Variants in VEGFC observed in about 807,000 individuals in gnomAD.
VEGFC encodes the protein vascular endothelial growth factor C.
Under a neutral mutation model 46.1 loss-of-function variants are expected in VEGFC, and 12 were observed. The observed-to-expected ratio is 0.26, with a 90% CI of 0.17 to 0.42. VEGFC has a LOEUF of 0.42. Among genes scored for constraint, VEGFC ranks in the 10% least tolerant of loss-of-function variants. The pLI is 1.00. For synonymous variants in VEGFC, 232 were observed against 195.5 expected (o/e 1.19, Z -1.56); for missense variants, 488 against 529.4 (o/e 0.92, Z 0.77).
chr4:176,692,944 C>T (rs1026341198), intron 4 of VEGFC, among the ~76,000 whole-genome samples: 1 of 148,476 alleles, frequency 6.7e-6, no homozygotes, highest in African/African-American at 2.6e-5. Context: ...AACTAACAAA[C>T]AGAAAGGACA....
intron 3 of VEGFC, among the ~76,000 whole-genome samples, chr4:176,719,826 C>T (rs543523190): frequency 3.9e-5 from 6 of 152,090 alleles, no homozygotes; most frequent in Non-Finnish European, 8.8e-5. Context: ...ATTGGGTGGC[C>T]GAGGCGAGTG....
intron 1 of VEGFC, among the ~76,000 whole-genome samples, chr4:176,755,107 T>C (rs1735410636): frequency 6.6e-6 from 1 of 152,020 alleles, no homozygotes; most frequent in Non-Finnish European, 1.5e-5. Flanking sequence ...TTCCAATTCG[T>C]ATAGATGTAT....
intron 4 of VEGFC, among the ~76,000 whole-genome samples, chr4:176,701,355 T>G (rs963008788): frequency 6.6e-6 from 1 of 152,212 alleles, no homozygotes. Context: ...CTTTAAACTT[T>G]AGGACAATCT....
chr4:176,719,531 G>C (rs1011303707), intron 3 of VEGFC, among the ~76,000 whole-genome samples: 5 of 152,046 alleles, frequency 3.3e-5, no homozygotes, highest in African/African-American at 1.2e-4. Flanking sequence ...GACCTCCCTT[G>C]GTTTATAAAC....
chr4:176,741,106 T>C (rs962464419), intron 1 of VEGFC, among the ~76,000 whole-genome samples: 1 of 151,932 alleles, frequency 6.6e-6, no homozygotes, highest in Non-Finnish European at 1.5e-5. Context: ...CATGGAAGAG[T>C]CCAGGTATTT....
chr4:176,702,573 A>G lies in VEGFC; in HGVS notation c.704+8926T>C, dbSNP rs1734452415. 4.6e-5 allele frequency among the ~76,000 whole-genome samples: 7 copies of G among 152,114 alleles called. No homozygotes were observed. The South Asian group carries it at 1.4e-3, about 31-fold the overall frequency. ...CTGCTCAAAGCTTTAGAATCACAGTATTGTGTTTTCATTTAATATCCAATT... is the reference window on the plus strand; with the variant it reads ...CTGCTCAAAGCTTTAGAATCACAGTGTTGTGTTTTCATTTAATATCCAATT... On this transcript the variant is annotated intron_variant, in intron 4 of 6. Coordinates refer to ENST00000618562, the MANE Select transcript of VEGFC (RefSeq NM_005429.5).
intron 4 of VEGFC, among the ~76,000 whole-genome samples, chr4:176,702,174 A>G (rs1560939053): frequency 6.6e-6 from 1 of 152,186 alleles, no homozygotes; most frequent in Non-Finnish European, 1.5e-5. Context: ...ACATGTTCTC[A>G]TAAGAATAAA....
At chr4:176,723,720 G>A (rs1304134456) in intron 3 of VEGFC, among the ~76,000 whole-genome samples, 1 of 149,510 alleles carries the variant, frequency 6.7e-6, no homozygotes, top group Non-Finnish European at 1.5e-5. Context: ...TTTTAGGTTT[G>A]GGGGTGCATG....
chr4:176,785,590 T>G (rs1487921044), intron 1 of VEGFC, among the ~76,000 whole-genome samples: 1 of 152,060 alleles, frequency 6.6e-6, no homozygotes, highest in East Asian at 1.9e-4. Context: ...TTTAGCAGAT[T>G]TTAAAAAGCA....
intron 1 of VEGFC, among the ~76,000 whole-genome samples, chr4:176,778,715 G>GA (rs1735857906): frequency 6.6e-6 from 1 of 152,098 alleles, no homozygotes; most frequent in African/African-American, 2.4e-5. Context: ...GTCATGCTTT[G>GA]ATGACTAAAC....
At chr4:176,729,769 C>G in intron 1 of VEGFC, 23 bp from the exon 2 acceptor site, 2 of 1,539,898 alleles carry the variant, frequency 1.3e-6, no homozygotes, top group Non-Finnish European at 1.8e-6. Context: ...AATGCAAGAT[C>G]AATGACTTAC....
At position 176,691,849 on chromosome 4, in the gene VEGFC, G is replaced by A. The variant is rs890053723; in HGVS notation, c.705-3922C>T. On this transcript the variant is annotated intron_variant, in intron 4 of 6. Transcript: ENST00000618562. ...GTCTACAGCTCCCAGCCTGAGCAACGCAGAAGACGGGTGATTTCTGCATTT... is the reference window on the plus strand; with the variant it reads ...GTCTACAGCTCCCAGCCTGAGCAACACAGAAGACGGGTGATTTCTGCATTT... Among the ~76,000 whole-genome samples the A allele has an allele frequency of 7.2e-5, 11 of 152,318 alleles. No homozygotes were observed. In the East Asian group the frequency reaches 1.2e-3, roughly 16 times the overall value.
chr4:176,759,867 G>A (rs1039665843), intron 1 of VEGFC, among the ~76,000 whole-genome samples: 1 of 151,910 alleles, frequency 6.6e-6, no homozygotes, highest in East Asian at 1.9e-4. Flanking sequence ...TTTAATTATT[G>A]GGACTGTTTG....
Position 176,792,086 on chromosome 4 carries a change from C to T in VEGFC, c.147+79G>A. 2.1e-6 allele frequency: 3 copies of T among 1,399,358 alleles called. No individual in the cohort carries two copies. Among genetic ancestry groups the T allele is most frequent in the Non-Finnish European group, 2.8e-6 (3 of 1,071,854 alleles). The allele number at this position is 1,399,358 out of a possible 1,614,324, so 86.7% of individuals were successfully genotyped here. On this transcript the variant is annotated intron_variant, in intron 1 of 6. Transcript: ENST00000618562. The surrounding 1 kb of genome is among the most constrained non-coding windows in gnomAD (Gnocchi z 6.3). ...CACAAGCTTAAAGCACACACACTTT[C>T]CCCCGCGCAGGTTCTCGGGTCCGCC... is the stretch of plus-strand genomic sequence containing the variant.
rs892123172 is a variant in VEGFC at position 176,792,026 on chromosome 4, C to G, written c.147+139G>C. 1 of 1,162,576 alleles carries G rather than the reference C, an allele frequency of 8.6e-7. No individual in the cohort carries two copies. The highest frequency in any genetic ancestry group is 3.1e-5 in the East Asian group (1 of 32,402). 72.0% of individuals were successfully genotyped at this position (1,162,576 alleles called of 1,614,324 possible). A position where few individuals can be genotyped will look rare whatever the true frequency, so the allele number is the denominator to read the frequency against. On this transcript the variant is annotated intron_variant, in intron 1 of 6. Coordinates refer to ENST00000618562, the MANE Select transcript of VEGFC (RefSeq NM_005429.5). The surrounding 1 kb of genome is among the most constrained non-coding windows in gnomAD (Gnocchi z 6.3). ...AGAAGAAGATTTTTCTCCAAAGCAG[C>G]GTGCACTGAGCTCAGTAACTTTGGA...
intron 1 of VEGFC, among the ~76,000 whole-genome samples, chr4:176,738,643 C>A (rs1373442260): frequency 6.6e-6 from 1 of 152,002 alleles, no homozygotes; most frequent in Non-Finnish European, 1.5e-5. Flanking sequence ...CAGGCATAGG[C>A]AAAGATTTCA....
chr4:176,785,092 T>A (rs1032908647), intron 1 of VEGFC, among the ~76,000 whole-genome samples: 1 of 152,106 alleles, frequency 6.6e-6, no homozygotes, highest in African/African-American at 2.4e-5. Flanking sequence ...GTAAACAGAG[T>A]GCATAGGTTC....
chr4:176,716,584 G>GAAAAAA (rs57274087), intron 3 of VEGFC, among the ~76,000 whole-genome samples: 2,557 of 40,956 alleles, frequency 0.062, no homozygotes, highest in Non-Finnish European at 0.085. Context: ...CTCCCTCTCC[G>GAAAAAA]AAAAAAAAAA....
chr4:176,752,138 C>G (rs1645068582), intron 1 of VEGFC, among the ~76,000 whole-genome samples: 1 of 151,768 alleles, frequency 6.6e-6, no homozygotes, highest in African/African-American at 2.4e-5. Flanking sequence ...TGAGCTGTAT[C>G]TTTTCTGTGA....
Sources: allele counts gnomAD v4.1 joint callset (sites outside exome capture counted in the v4.1 genomes callset), GRCh38; gene constraint gnomAD v4.1.1; non-coding constraint Gnocchi (gnomAD v3.1); transcripts MANE v1.5; gene names NCBI Gene and HGNC (gene_info 2026-07-23, HGNC 2026-07-21).